The following ADGRV1 variants were observed in gnomAD, a reference collection of about 807,000 sequenced individuals.
The protein encoded by ADGRV1 is G-protein coupled receptor 98.
Under a neutral mutation model 596.2 loss-of-function variants are expected in ADGRV1, and 359 were observed. The ratio of observed to expected loss-of-function variants is 0.60; its 90% confidence interval spans 0.55 to 0.66. ADGRV1 has a LOEUF of 0.66. Among genes scored for constraint, ADGRV1 ranks in the 30% least tolerant of loss-of-function variants. The pLI, the probability that ADGRV1 is intolerant of heterozygous loss-of-function variation, is 0.00. For synonymous variants in ADGRV1, 2,681 were observed against 2,679.2 expected, an observed-to-expected ratio of 1.00 and a Z score of -0.02; for missense variants, 7,274 against 7,575.6, an observed-to-expected ratio of 0.96 and a Z score of 1.48.
In ADGRV1 at chr5:90,855,822, G is replaced by T; in HGVS notation, c.17676G>T (p.Val5892=). ...AATGTGCCTGTTCACACATGTCTGT[G>T]TATGCTGTCTATGCTCGGACTGACA... ...YVECACSHMS[V]YAVYARTDNL... is the part of the protein sequence containing the mutation. Residue 5892 remains valine, a synonymous_variant, in exon 82 of 90, where the codon GTG becomes GTT. Transcript: ENST00000405460. The T allele has an allele frequency of 6.2e-7, 1 of 1,612,386 alleles. No homozygotes were observed. The highest frequency in any genetic ancestry group is 8.5e-7 in the Non-Finnish European group (1 of 1,178,618).
At chr5:90,946,111 C>A (rs1776555081) in intron 83 of ADGRV1, among the ~76,000 whole-genome samples, 1 of 152,086 alleles carries the variant, frequency 6.6e-6, no homozygotes, top group Non-Finnish European at 1.5e-5. Context: ...ATAAGATGGA[C>A]AAGAACCACC....
chr5:90,628,870 C>G, intron 8 of ADGRV1, 38 bp downstream of exon 8: 1 of 1,582,166 alleles, frequency 6.3e-7, no homozygotes. Context: ...GTTAATATTT[C>G]TGTGCTGTAC....
intron 78 of ADGRV1, chr5:90,846,743 T>C (rs1379934624): frequency 6.6e-6 from 1 of 152,490 alleles, no homozygotes; most frequent in African/African-American, 2.4e-5. Context: ...TTCCATAGTG[T>C]GCAAGGGGAC....
At chr5:90,723,516 G>A (rs10037078) in intron 45 of ADGRV1, among the ~76,000 whole-genome samples, 4,722 of 152,250 alleles carry the variant, frequency 0.031, 226 homozygotes, top group African/African-American at 0.11. Flanking sequence ...TTAATTGTTA[G>A]CAGTCATTGC....
intron 86 of ADGRV1, among the ~76,000 whole-genome samples, chr5:91,089,051 T>C (rs1380206871): frequency 6.6e-6 from 1 of 152,092 alleles, no homozygotes; most frequent in Non-Finnish European, 1.5e-5. Flanking sequence ...CAATAAGATA[T>C]TAGTTCACTC....
At chr5:90,829,642 C>T (rs1764362375) in intron 77 of ADGRV1, among the ~76,000 whole-genome samples, 1 of 152,144 alleles carries the variant, frequency 6.6e-6, no homozygotes, top group Non-Finnish European at 1.5e-5. Flanking sequence ...CCACTTTTTT[C>T]ACATCCATCC....
At chr5:90,953,656 T>C (rs977246216) in intron 83 of ADGRV1, among the ~76,000 whole-genome samples, 1 of 132,460 alleles carries the variant, frequency 7.5e-6, no homozygotes, top group Non-Finnish European at 1.6e-5. Context: ...AAACAGCTCT[T>C]GAAGAAAAAC....
At chr5:91,031,062 C>G in intron 85 of ADGRV1, 1 of 1,499,522 alleles carries the variant, frequency 6.7e-7, no homozygotes, top group Non-Finnish European at 9.0e-7. Context: ...AAATAACTGC[C>G]AATCATATAG....
chr5:90,561,035 G>T (rs1327654727), intron 1 of ADGRV1, among the ~76,000 whole-genome samples: 1 of 152,112 alleles, frequency 6.6e-6, no homozygotes, highest in Non-Finnish European at 1.5e-5. Context: ...AATCATAATA[G>T]TATGTCACAT....
At position 90,783,930 on chromosome 5, in the gene ADGRV1, A is replaced by T; in HGVS notation, c.13526A>T (p.Lys4509Met). 1 of 1,612,492 alleles carries T rather than the reference A, an allele frequency of 6.2e-7. No homozygotes were observed. Among genetic ancestry groups the T allele is most frequent in the Non-Finnish European group, 8.5e-7 (1 of 1,179,292 alleles). Residue 4509 changes from lysine to methionine, a missense_variant, in exon 67 of 90, where the codon AAG (lysine) becomes ATG (methionine). Physicochemically the swap from Lys to Met is moderately conservative, Grantham distance 95. Coordinates refer to ENST00000405460, the MANE Select transcript of ADGRV1 (RefSeq NM_032119.4). ...RHLVSRIIIA[K>M]SDSPFGVIRF... ...CTAGTGAGCAGAATCATAATAGCTA[A>T]GAGTGACTCTCCCTTTGGAGTTATA...
rs897200010 is a variant in ADGRV1 at position 90,628,558 on chromosome 5, T to G, written c.1239-4T>G. The stretch of plus-strand genomic sequence containing the variant: ...CAATATGTATTTCTTTTAAAACATT[T>G]AAGATATGAAGAAATCACAGTGGTT... On this transcript the variant is annotated splice_region_variant and splice_polypyrimidine_tract_variant and intron_variant, in intron 7 of 89. Transcript: ENST00000405460. The G allele has an allele frequency of 3.7e-6, 6 of 1,611,772 alleles. No individual in the cohort carries two copies. In the African/African-American group the frequency reaches 8.0e-5, roughly 22 times the overall value.
chr5:90,633,631 T>C (rs1028490196), intron 9 of ADGRV1, among the ~76,000 whole-genome samples: 1 of 151,956 alleles, frequency 6.6e-6, no homozygotes. Flanking sequence ...TATGTGTATA[T>C]ATATATATTC....
At position 90,694,274 on chromosome 5, in the gene ADGRV1, G is replaced by T; in HGVS notation, c.7518G>T (p.Val2506=). 1.2e-6 allele frequency: 2 copies of T among 1,613,960 alleles called. No homozygotes were observed. The highest frequency in any genetic ancestry group is 1.7e-6 in the Non-Finnish European group (2 of 1,179,856). ...TGGCTGGGAGTGACTATGAGCCTGT[G>T]ACAAGGCAATGGGCCATAATGCAGG... The part of the protein sequence containing the change: ...QAVAGSDYEP[V]TRQWAIMQEG... The change falls in exon 33 of 90, where the codon GTG becomes GTT. Residue 2506 remains valine, a synonymous_variant. Coordinates refer to ENST00000405460, the MANE Select transcript of ADGRV1 (RefSeq NM_032119.4).
At chr5:90,733,730 A>G (rs538039688) in intron 50 of ADGRV1, among the ~76,000 whole-genome samples, 1 of 152,334 alleles carries the variant, frequency 6.6e-6, no homozygotes, top group East Asian at 1.9e-4. Context: ...TGTATACAAC[A>G]TGGAATATTA....
intron 84 of ADGRV1, among the ~76,000 whole-genome samples, chr5:90,982,059 G>C (rs1780119347): frequency 6.6e-6 from 1 of 152,178 alleles, no homozygotes; most frequent in Non-Finnish European, 1.5e-5. Flanking sequence ...CTGCACTCCA[G>C]CCTGGGTGAC....
At chr5:90,900,000 G>A (rs921993877) in intron 83 of ADGRV1, among the ~76,000 whole-genome samples, 9 of 152,146 alleles carry the variant, frequency 5.9e-5, no homozygotes, top group South Asian at 2.1e-4. Context: ...TAACCGATCC[G>A]TCAGGTTTCC....
intron 5 of ADGRV1, among the ~76,000 whole-genome samples, chr5:90,623,649 A>G (rs1222490187): frequency 1.3e-5 from 2 of 152,008 alleles, no homozygotes; most frequent in Non-Finnish European, 2.9e-5. Flanking sequence ...CTGAGCACAA[A>G]TGATCCTCCC....
chr5:91,054,722 A>G, intron 85 of ADGRV1, among the ~76,000 whole-genome samples: 1 of 152,106 alleles, frequency 6.6e-6, no homozygotes, highest in East Asian at 1.9e-4. Flanking sequence ...CTCATGACCT[A>G]ATCACTCCCC....
chr5:90,724,841 A>T lies in ADGRV1; in HGVS notation c.9758A>T (p.Asp3253Val). The T allele has an allele frequency of 6.2e-7, 1 of 1,613,088 alleles. No individual in the cohort carries two copies. The highest frequency in any genetic ancestry group is 1.1e-5 in the South Asian group (1 of 91,032). The change falls in exon 46 of 90, where the codon GAT (aspartate) becomes GTT (valine). Residue 3253 changes from aspartate to valine, a missense_variant. Asp to Val is a radical substitution (Grantham distance 152). Transcript: ENST00000405460. ...GATTTGTGTTTTTCAGGGGGAATGG[A>T]TGTTGTGTTTTCCGTATTTCAAAGT... ...SETAFGMRGM[D>V]VVFSVFQSFL... is the part of the protein sequence containing the mutation.
Sources: gnomAD v4.1 joint callset for allele counts (sites outside exome capture counted in the v4.1 genomes callset) on GRCh38, gnomAD v4.1.1 for gene constraint, MANE v1.5 for transcripts, NCBI Gene and HGNC (gene_info 2026-07-23, HGNC 2026-07-21) for gene names.